CRIM1: variants seen among roughly 807,000 people sequenced by gnomAD.
CRIM1 encodes cysteine rich transmembrane BMP regulator 1.
A neutral mutation model predicts 116.4 loss-of-function variants in CRIM1; 32 were observed. The observed-to-expected ratio is 0.27, with a 90% CI of 0.21 to 0.37. CRIM1 has a LOEUF of 0.37. CRIM1 is among the 10% of genes least tolerant of loss of function. CRIM1 has a pLI of 1.00. For synonymous variants in CRIM1, 590 were observed against 509.2 expected (o/e 1.16, Z -2.13); for missense variants, 1,331 against 1,354.8 (o/e 0.98, Z 0.28).
In CRIM1 at chr2:36,510,182, T is replaced by G. The variant is rs772826709; in HGVS notation, c.1658+43T>G. 2.5e-6 allele frequency: 4 copies of G among 1,573,920 alleles called. No homozygotes were observed. In the East Asian group the frequency reaches 6.7e-5, roughly 27 times the overall value. On this transcript the variant is annotated intron_variant, in intron 9 of 16. Coordinates refer to ENST00000280527, the MANE Select transcript of CRIM1 (RefSeq NM_016441.3). ...CAGAAAAGCTATTATGAAGTGCAACTTGGTGAAATGTTTCTACACATTTTG... is the reference window on the plus strand; with the variant it reads ...CAGAAAAGCTATTATGAAGTGCAACGTGGTGAAATGTTTCTACACATTTTG...
intron 2 of CRIM1, among the ~76,000 whole-genome samples, chr2:36,431,759 AC>A (rs1180845188): frequency 1.3e-5 from 2 of 152,184 alleles, no homozygotes; most frequent in African/African-American, 2.4e-5. Context: ...GGCTCTCAGA[AC>A]ATCTGGTTGG....
chr2:36,461,690 C>A (rs1424628425), intron 4 of CRIM1, among the ~76,000 whole-genome samples: 1 of 152,166 alleles, frequency 6.6e-6, no homozygotes. Flanking sequence ...GTAGATATAA[C>A]AGACTTCCTG....
chr2:36,386,202 C>T (rs1004345027), intron 1 of CRIM1, among the ~76,000 whole-genome samples: 1 of 152,174 alleles, frequency 6.6e-6, no homozygotes, highest in Admixed American at 6.5e-5. Context: ...GTCCTCAAGT[C>T]ACATTCTGGC....
intron 2 of CRIM1, among the ~76,000 whole-genome samples, chr2:36,404,689 CTTTGTTTT>C (rs1553375423): frequency 6.6e-6 from 1 of 152,104 alleles, no homozygotes; most frequent in Non-Finnish European, 1.5e-5. Flanking sequence ...TGGGAGCTTG[CTTTGTTTT>C]TTTGTTTTTA....
At chr2:36,393,445 C>T (rs1671774872) in intron 1 of CRIM1, among the ~76,000 whole-genome samples, 1 of 151,996 alleles carries the variant, frequency 6.6e-6, no homozygotes, top group African/African-American at 2.4e-5. Flanking sequence ...AAAGACACAA[C>T]TGCATTGACC....
chr2:36,487,724 A>G (rs556281219), intron 7 of CRIM1, among the ~76,000 whole-genome samples: 6 of 152,206 alleles, frequency 3.9e-5, no homozygotes, highest in Non-Finnish European at 7.3e-5. Flanking sequence ...GCATTTTGGC[A>G]TAAGAATATA....
chr2:36,429,251 G>C (rs1010019983), intron 2 of CRIM1, among the ~76,000 whole-genome samples: 2 of 152,192 alleles, frequency 1.3e-5, no homozygotes, highest in African/African-American at 4.8e-5. Flanking sequence ...AATCTGTTGA[G>C]ACTTATTTGT....
At chr2:36,385,695 C>T (rs1279945077) in intron 1 of CRIM1, among the ~76,000 whole-genome samples, 2 of 152,122 alleles carry the variant, frequency 1.3e-5, no homozygotes, top group South Asian at 2.1e-4. Context: ...CTCAGGTCTT[C>T]CGGATTGACA....
intron 2 of CRIM1, among the ~76,000 whole-genome samples, chr2:36,428,108 C>G (rs1674600031): frequency 1.3e-5 from 2 of 152,188 alleles, no homozygotes; most frequent in Non-Finnish European, 2.9e-5. Context: ...TGTAAGAGAT[C>G]AAATAACTAT....
At chr2:36,524,820 A>AT (rs1023524823) in intron 13 of CRIM1, among the ~76,000 whole-genome samples, 16 of 151,954 alleles carry the variant, frequency 1.1e-4, no homozygotes, top group African/African-American at 3.9e-4. Context: ...TTTATTTTTT[A>AT]TTTTTTTGCC....
intron 5 of CRIM1, among the ~76,000 whole-genome samples, chr2:36,468,238 G>GT (rs969814574): frequency 1.3e-4 from 20 of 152,042 alleles, no homozygotes; most frequent in African/African-American, 4.6e-4. Flanking sequence ...ATATGCTTAT[G>GT]TTTTTTTCTT....
chr2:36,487,372 T>C (rs1350137353), intron 7 of CRIM1, among the ~76,000 whole-genome samples: 1 of 152,154 alleles, frequency 6.6e-6, no homozygotes, highest in Non-Finnish European at 1.5e-5. Context: ...TCACAAGTTA[T>C]ATGGGAAAAA....
At chr2:36,406,623 C>T (rs1572660948) in intron 2 of CRIM1, among the ~76,000 whole-genome samples, 1 of 7,782 alleles carries the variant, frequency 1.3e-4, no homozygotes, top group Non-Finnish European at 1.8e-4. Context: ...TTTGACCCCT[C>T]CCCCCCCCCC....
At chr2:36,459,733 G>T (rs993439754) in intron 4 of CRIM1, among the ~76,000 whole-genome samples, 23 of 152,178 alleles carry the variant, frequency 1.5e-4, no homozygotes. Context: ...GTGGACATGA[G>T]CTGTGGCTGG....
At chr2:36,378,477 G>A in intron 1 of CRIM1, 1 of 465,484 alleles carries the variant, frequency 2.1e-6, no homozygotes, top group South Asian at 1.6e-5. Flanking sequence ...TTCATTCTGA[G>A]GTGCCTGGGC....
intron 2 of CRIM1, among the ~76,000 whole-genome samples, chr2:36,439,292 A>G (rs1675584527): frequency 6.6e-6 from 1 of 152,166 alleles, no homozygotes; most frequent in Non-Finnish European, 1.5e-5. Context: ...TTTCTTGCCA[A>G]GTGCCTTTCC....
In CRIM1 at chr2:36,377,282, A is replaced by G. The variant is rs148318630; in HGVS notation, c.332-19332A>G. Among the ~76,000 whole-genome samples the G allele has an allele frequency of 4.8e-3, 726 of 152,362 alleles. 3 individuals carry two copies. The highest frequency in any genetic ancestry group is 0.017 in the African/African-American group (704 of 41,580). On this transcript the variant is annotated intron_variant, in intron 1 of 16. Coordinates refer to ENST00000280527, the MANE Select transcript of CRIM1 (RefSeq NM_016441.3). ...GTCTTGGGGCATTTTACCCACCTGT[A>G]TGACTAGCACACATTGCATCCACTT...
intron 1 of CRIM1, among the ~76,000 whole-genome samples, chr2:36,375,417 A>G (rs550782790): frequency 4.6e-5 from 7 of 152,338 alleles, no homozygotes; most frequent in Admixed American, 2.0e-4. Context: ...GATTTCTGCA[A>G]TCTTTATTTA....
At chr2:36,359,150 A>G (rs905284653) in intron 1 of CRIM1, among the ~76,000 whole-genome samples, 3 of 152,182 alleles carry the variant, frequency 2.0e-5, no homozygotes, top group Admixed American at 6.5e-5. Context: ...AACTAACATG[A>G]ATAGGAATCA....
Sources: gnomAD v4.1 joint callset for allele counts (sites outside exome capture counted in the v4.1 genomes callset) on GRCh38, gnomAD v4.1.1 for gene constraint, MANE v1.5 for transcripts, NCBI Gene and HGNC (gene_info 2026-07-23, HGNC 2026-07-21) for gene names.